GRM7: variants seen among roughly 807,000 people sequenced by gnomAD.
The protein encoded by GRM7 is metabotropic glutamate receptor 7.
Under a neutral mutation model 84.5 loss-of-function variants are expected in GRM7, and 35 were observed. The ratio of observed to expected loss-of-function variants is 0.41; its 90% confidence interval spans 0.32 to 0.55. GRM7 has a LOEUF of 0.55. Ranked by LOEUF, GRM7 falls within the 20% of genes least tolerant of loss-of-function variation. The probability of loss-of-function intolerance (pLI) is 0.19; values close to 1 mark genes in which losing one functional copy is unlikely to be tolerated. For synonymous variants in GRM7, 487 were observed against 455.1 expected (o/e 1.07, Z -0.89); for missense variants, 1,003 against 1,194.6 (o/e 0.84, Z 2.36).
chr3:7,095,334 A>G (rs1172301868), intron 1 of GRM7, among the ~76,000 whole-genome samples: 4 of 152,108 alleles, frequency 2.6e-5, no homozygotes, highest in African/African-American at 9.7e-5. Flanking sequence ...CATTAACTTG[A>G]TACTTCCTAC....
intron 2 of GRM7, among the ~76,000 whole-genome samples, chr3:7,248,735 T>C (rs571764684): frequency 6.6e-6 from 1 of 152,248 alleles, no homozygotes; most frequent in East Asian, 1.9e-4. Flanking sequence ...TGTTACTTTC[T>C]ATGGGGATAC....
At chr3:7,462,784 C>T (rs543408531) in intron 7 of GRM7, among the ~76,000 whole-genome samples, 1 of 152,092 alleles carries the variant, frequency 6.6e-6, no homozygotes, top group Non-Finnish European at 1.5e-5. Flanking sequence ...TGAGGTGCAC[C>T]ATACACATGA....
At chr3:7,677,937 C>T (rs933214040) in intron 8 of GRM7, among the ~76,000 whole-genome samples, 1 of 152,026 alleles carries the variant, frequency 6.6e-6, no homozygotes, top group Non-Finnish European at 1.5e-5. Flanking sequence ...AAAGAACAAA[C>T]CATGTTGAAC....
At chr3:7,064,548 G>GATATATATATAT (rs60042248) in intron 1 of GRM7, among the ~76,000 whole-genome samples, 4 of 89,538 alleles carry the variant, frequency 4.5e-5, no homozygotes, top group African/African-American at 2.0e-4. Flanking sequence ...ATCATGTATG[G>GATATATATATAT]ATATATATAT....
At chr3:7,395,036 C>T (rs1249739997) in intron 4 of GRM7, among the ~76,000 whole-genome samples, 2 of 56,746 alleles carry the variant, frequency 3.5e-5, no homozygotes, top group East Asian at 2.8e-4. Context: ...GAAACTCTGT[C>T]TCAAAAAAAA....
intron 4 of GRM7, among the ~76,000 whole-genome samples, chr3:7,346,998 A>T (rs569138266): frequency 2.0e-4 from 31 of 152,282 alleles, no homozygotes; most frequent in African/African-American, 7.5e-4. Flanking sequence ...TAAAATGGTA[A>T]GGCAGATTGG....
chr3:7,112,278 G>A (rs377131203), intron 1 of GRM7, among the ~76,000 whole-genome samples: 147 of 150,996 alleles, frequency 9.7e-4, no homozygotes, highest in Middle Eastern at 3.4e-3. Flanking sequence ...AGGCTGGAGT[G>A]CAGTGGCACG....
intron 9 of GRM7, among the ~76,000 whole-genome samples, chr3:7,708,146 T>C (rs1477403394): frequency 6.6e-6 from 1 of 152,014 alleles, no homozygotes; most frequent in Non-Finnish European, 1.5e-5. Context: ...TTTTCTCTTT[T>C]TACTTTCAAA....
At chr3:6,897,746 A>G (rs528269190) in intron 1 of GRM7, among the ~76,000 whole-genome samples, 1 of 152,370 alleles carries the variant, frequency 6.6e-6, no homozygotes, top group East Asian at 1.9e-4. Flanking sequence ...TTCATCAAAC[A>G]AGGTTTCAGC....
At chr3:7,144,347 T>C (rs1370651609) in intron 1 of GRM7, among the ~76,000 whole-genome samples, 2 of 152,170 alleles carry the variant, frequency 1.3e-5, no homozygotes, top group African/African-American at 4.8e-5. Flanking sequence ...GAGTATTTGC[T>C]GACAATTAGA....
chr3:7,114,944 C>T (rs1692981325), intron 1 of GRM7, among the ~76,000 whole-genome samples: 1 of 152,126 alleles, frequency 6.6e-6, no homozygotes, highest in Non-Finnish European at 1.5e-5. Flanking sequence ...CCTTGCTCCT[C>T]TGCAAATGGC....
intron 9 of GRM7, among the ~76,000 whole-genome samples, chr3:7,711,319 G>A (rs1369430547): frequency 6.6e-6 from 1 of 152,130 alleles, no homozygotes; most frequent in African/African-American, 2.4e-5. Flanking sequence ...AGGTATTTCA[G>A]GCAGTGAAGA....
chr3:7,348,602 A>G (rs910508722), intron 4 of GRM7, among the ~76,000 whole-genome samples: 5 of 152,166 alleles, frequency 3.3e-5, no homozygotes, highest in African/African-American at 1.2e-4. Context: ...ATTTGTCCAC[A>G]CAATGATTCA....
rs1469848470 is a variant in GRM7 at position 6,861,259 on chromosome 3, C to A, written c.-130C>A. On this transcript the variant is annotated 5_prime_UTR_variant, in exon 1 of 10. Coordinates refer to ENST00000357716, the MANE Select transcript of GRM7 (RefSeq NM_000844.4). This position sits in a 1 kb window ranked among gnomAD's most constrained non-coding sequence, Gnocchi z 6.4. The stretch of plus-strand genomic sequence containing the variant: ...CTCTCTGGTCGCCCCTCCCCGGATT[C>A]CCCCACCCTCCGTGCCTGCAGGAGC... 10 of 730,362 alleles carry A rather than the reference C, an allele frequency of 1.4e-5. No homozygotes were observed. The Admixed American group carries it at 2.4e-4, about 17-fold the overall frequency. The allele number at this position is 730,362 out of a possible 1,614,324, so 45.2% of individuals were successfully genotyped here.
intron 1 of GRM7, among the ~76,000 whole-genome samples, chr3:7,044,516 C>T (rs1347928826): frequency 6.6e-6 from 1 of 152,114 alleles, no homozygotes; most frequent in Non-Finnish European, 1.5e-5. Context: ...GTTTTCAACA[C>T]TTCCCAATCT....
In GRM7 at chr3:7,001,966, A is replaced by G. The variant is rs111363830; in HGVS notation, c.519+140059A>G. On this transcript the variant is annotated intron_variant, in intron 1 of 9. Transcript: ENST00000357716. ...CCCCTAAGCCAATTACTTAGTGGAG[A>G]CATTTAATTCAGTTTAATCTTTAAT... Among the ~76,000 whole-genome samples the G allele has an allele frequency of 5.4e-3, 818 of 152,296 alleles. 12 individuals are homozygous for G. The highest frequency in any genetic ancestry group is 0.018 in the African/African-American group (766 of 41,552).
intron 7 of GRM7, among the ~76,000 whole-genome samples, chr3:7,473,698 G>C (rs1698806501): frequency 6.6e-6 from 1 of 152,174 alleles, no homozygotes; most frequent in African/African-American, 2.4e-5. Flanking sequence ...ATACAGCAAA[G>C]AGGATTTTGA....
chr3:7,084,579 G>C (rs1003937153), intron 1 of GRM7, among the ~76,000 whole-genome samples: 2 of 152,154 alleles, frequency 1.3e-5, no homozygotes, highest in South Asian at 2.1e-4. Flanking sequence ...TCCAGTTGCT[G>C]TGTGCTGAGA....
At chr3:6,865,882 G>C (rs1366304272) in intron 1 of GRM7, among the ~76,000 whole-genome samples, 1 of 152,048 alleles carries the variant, frequency 6.6e-6, no homozygotes, top group African/African-American at 2.4e-5. Flanking sequence ...AATTTAATAA[G>C]TATAGGTGTC....
Sources: gnomAD v4.1 joint callset for allele counts (sites outside exome capture counted in the v4.1 genomes callset) on GRCh38, gnomAD v4.1.1 for gene constraint, Gnocchi (gnomAD v3.1) non-coding constraint, MANE v1.5 for transcripts, NCBI Gene and HGNC (gene_info 2026-07-23, HGNC 2026-07-21) for gene names.